The following MECOM variants were observed in gnomAD, a reference collection of about 807,000 sequenced individuals.
MECOM encodes MDS1 and EVI1 complex locus.
In MECOM, 13 loss-of-function variants were observed where a neutral mutation model predicts 116.3. The observed-to-expected ratio is 0.11, with a 90% confidence interval of 0.07 to 0.18. The LOEUF is 0.18. Ranked by LOEUF, MECOM falls within the 10% of genes least tolerant of loss-of-function variation. The probability of loss-of-function intolerance (pLI) is 1.00; values close to 1 mark genes in which losing one functional copy is unlikely to be tolerated. For synonymous variants in MECOM, 528 were observed against 535.2 expected (o/e 0.99, Z 0.19); for missense variants, 1,299 against 1,509.0 (o/e 0.86, Z 2.31).
chr3:169,216,389 G>A, intron 2 of MECOM, among the ~76,000 whole-genome samples: 1 of 152,040 alleles, frequency 6.6e-6, no homozygotes, highest in East Asian at 1.9e-4. Context: ...GTCATTTCTA[G>A]TGGTGTTTAG....
intron 2 of MECOM, among the ~76,000 whole-genome samples, chr3:169,176,348 C>A (rs947953893): frequency 2.6e-5 from 4 of 151,984 alleles, no homozygotes; most frequent in African/African-American, 9.7e-5. Flanking sequence ...TAGGCATTGA[C>A]AAAAACAAGC....
intron 2 of MECOM, among the ~76,000 whole-genome samples, chr3:169,218,026 A>G (rs574267648): frequency 1.3e-5 from 2 of 152,038 alleles, no homozygotes; most frequent in African/African-American, 4.8e-5. Flanking sequence ...AGTGAAATTA[A>G]TGCTTAGGGC....
At chr3:169,089,834 T>TA (rs1232340195) in intron 15 of MECOM, among the ~76,000 whole-genome samples, 166 bp downstream of exon 15, 2 of 152,304 alleles carry the variant, frequency 1.3e-5, no homozygotes, top group Admixed American at 1.3e-4. Context: ...ATTATGTTGA[T>TA]AGCCACCTTA....
intron 2 of MECOM, among the ~76,000 whole-genome samples, chr3:169,204,044 T>G (rs1215414349): frequency 1.3e-5 from 2 of 152,158 alleles, no homozygotes; most frequent in East Asian, 3.9e-4. Context: ...TAGCTGAAAT[T>G]TGGTTGAGCT....
At chr3:169,549,528 G>A (rs1761117368) in intron 1 of MECOM, among the ~76,000 whole-genome samples, 1 of 152,096 alleles carries the variant, frequency 6.6e-6, no homozygotes, top group African/African-American at 2.4e-5. Flanking sequence ...TGAAACCCTA[G>A]TCATGAAGCA....
chr3:169,371,228 G>A (rs558774457), intron 2 of MECOM, among the ~76,000 whole-genome samples: 1 of 151,992 alleles, frequency 6.6e-6, no homozygotes, highest in African/African-American at 2.4e-5. Context: ...CAAACCTGGA[G>A]GATATTATGC....
At chr3:169,110,634 C>T (rs1727050977) in intron 9 of MECOM, among the ~76,000 whole-genome samples, 1 of 152,208 alleles carries the variant, frequency 6.6e-6, no homozygotes, top group African/African-American at 2.4e-5. Context: ...CTCAGATAGT[C>T]CCACTATCCA....
chr3:169,239,732 T>C (rs1371679433), intron 2 of MECOM, among the ~76,000 whole-genome samples: 3 of 152,062 alleles, frequency 2.0e-5, no homozygotes, highest in Non-Finnish European at 4.4e-5. Flanking sequence ...AAGTAAAGAA[T>C]AGAAACCTCA....
At chr3:169,109,896 A>G (rs1170031693) in intron 9 of MECOM, among the ~76,000 whole-genome samples, 5 of 152,196 alleles carry the variant, frequency 3.3e-5, no homozygotes, top group Non-Finnish European at 5.9e-5. Flanking sequence ...GATATTCAAA[A>G]ATTGTAAAAC....
At position 169,629,983 on chromosome 3, in the gene MECOM, G is replaced by A. The variant is rs189654647; in HGVS notation, c.37+33353C>T. Among the ~76,000 whole-genome samples, 16 of 152,246 alleles carry A rather than the reference G, an allele frequency of 1.1e-4. No individual in the cohort carries two copies. The East Asian group carries it at 1.4e-3, about 13-fold the overall frequency. On this transcript the variant is annotated intron_variant, in intron 1 of 16. Transcript: ENST00000651503. ...AACCCACCTCTCCCAGCCCTTCTGC[G>A]GAGCCCTGCCAAGGACTAGTCCCAG...
intron 2 of MECOM, among the ~76,000 whole-genome samples, chr3:169,233,014 C>T (rs1410851074): frequency 6.6e-6 from 1 of 152,020 alleles, no homozygotes; most frequent in South Asian, 2.1e-4. Flanking sequence ...CTTCGTAGAC[C>T]GAGCTTGGAG....
chr3:169,486,003 ATAC>A (rs1372837537), intron 1 of MECOM, among the ~76,000 whole-genome samples: 1 of 88,556 alleles, frequency 1.1e-5, no homozygotes, highest in Non-Finnish European at 2.3e-5. Flanking sequence ...ATGTATATAT[ATAC>A]TATATATATA....
chr3:169,224,640 T>G (rs535105007), intron 2 of MECOM, among the ~76,000 whole-genome samples: 69 of 152,346 alleles, frequency 4.5e-4, no homozygotes, highest in African/African-American at 1.5e-3. Flanking sequence ...GGGAAAGAAA[T>G]AATTCTCCAG....
intron 1 of MECOM, among the ~76,000 whole-genome samples, chr3:169,454,826 A>C (rs181955496): frequency 6.6e-6 from 1 of 152,218 alleles, no homozygotes; most frequent in African/African-American, 2.4e-5. Flanking sequence ...CTCAAATAAT[A>C]ATAAGTCCCA....
At chr3:169,418,250 C>G (rs1739066494) in intron 1 of MECOM, among the ~76,000 whole-genome samples, 1 of 151,690 alleles carries the variant, frequency 6.6e-6, no homozygotes, top group African/African-American at 2.4e-5. Flanking sequence ...AATTGAGGTA[C>G]TAATTAATAG....
intron 2 of MECOM, among the ~76,000 whole-genome samples, chr3:169,338,391 A>C (rs1723930287): frequency 6.6e-6 from 1 of 152,030 alleles, no homozygotes; most frequent in South Asian, 2.1e-4. Context: ...CCTGCCCTAG[A>C]CTGTCAACTC....
chr3:169,307,225 T>A (rs1717886915), intron 2 of MECOM, among the ~76,000 whole-genome samples: 1 of 152,150 alleles, frequency 6.6e-6, no homozygotes, highest in South Asian at 2.1e-4. Flanking sequence ...CCCTTTGCAA[T>A]CTATTACCAT....
intron 1 of MECOM, among the ~76,000 whole-genome samples, chr3:169,553,767 T>C (rs1761685250): frequency 6.6e-6 from 1 of 152,220 alleles, no homozygotes; most frequent in Admixed American, 6.5e-5. Flanking sequence ...TGTCCTCATG[T>C]GGTCTATTCT....
chr3:169,257,294 G>A (rs1256969711), intron 2 of MECOM, among the ~76,000 whole-genome samples: 5 of 152,124 alleles, frequency 3.3e-5, no homozygotes, highest in African/African-American at 1.2e-4. Context: ...TAATACTTGG[G>A]AATGGGATAA....
Sources: gnomAD v4.1 joint callset for allele counts (sites outside exome capture counted in the v4.1 genomes callset) on GRCh38, gnomAD v4.1.1 for gene constraint, MANE v1.5 for transcripts, NCBI Gene and HGNC (gene_info 2026-07-23, HGNC 2026-07-21) for gene names.